PDSS2: variants seen among roughly 807,000 people sequenced by gnomAD.
The protein encoded by PDSS2 is all trans-polyprenyl-diphosphate synthase PDSS2.
Under a neutral mutation model 44.5 loss-of-function variants are expected in PDSS2, and 31 were observed. The observed-to-expected ratio is 0.70, with a 90% CI of 0.52 to 0.94. PDSS2 has a LOEUF of 0.94. Among genes scored for constraint, PDSS2 ranks in the 40% least tolerant of loss-of-function variants. The pLI is 0.00. For synonymous variants in PDSS2, 157 were observed against 180.3 expected (o/e 0.87, Z 1.03); for missense variants, 452 against 482.2 (o/e 0.94, Z 0.59).
At chr6:107,216,028 T>C (rs935282441) in intron 4 of PDSS2, among the ~76,000 whole-genome samples, 1 of 151,770 alleles carries the variant, frequency 6.6e-6, no homozygotes, top group Non-Finnish European at 1.5e-5. Flanking sequence ...TCCCAGCTAC[T>C]TGGGAGGCTG....
At chr6:107,444,977 A>G (rs970616348) in intron 1 of PDSS2, among the ~76,000 whole-genome samples, 1 of 152,180 alleles carries the variant, frequency 6.6e-6, no homozygotes, top group African/African-American at 2.4e-5. Context: ...CCTAAAAGCC[A>G]AATCTGTCAA....
intron 7 of PDSS2, among the ~76,000 whole-genome samples, chr6:107,167,927 G>A (rs1488573442): frequency 2.6e-5 from 4 of 152,162 alleles, no homozygotes; most frequent in African/African-American, 7.2e-5. Context: ...TTGGTGTGGT[G>A]TGGTGCTGAA....
At chr6:107,337,026 G>A (rs1777921846) in intron 1 of PDSS2, among the ~76,000 whole-genome samples, 1 of 114,148 alleles carries the variant, frequency 8.8e-6, no homozygotes, top group Admixed American at 1.0e-4. Context: ...TCAGAAATAG[G>A]ACCTTTCACA....
At chr6:107,262,749 G>T (rs1775282229) in intron 3 of PDSS2, among the ~76,000 whole-genome samples, 1 of 151,966 alleles carries the variant, frequency 6.6e-6, no homozygotes, top group Admixed American at 6.5e-5. Flanking sequence ...TTCAGCCTGG[G>T]TGACAGAATG....
At chr6:107,359,062 G>A (rs1226038044) in intron 1 of PDSS2, among the ~76,000 whole-genome samples, 2 of 140,374 alleles carry the variant, frequency 1.4e-5, no homozygotes, top group African/African-American at 5.4e-5. Context: ...CCAGGCTGGA[G>A]TGCAGTGGCG....
At chr6:107,173,467 G>A (rs765758639) in intron 7 of PDSS2, among the ~76,000 whole-genome samples, 10 of 150,704 alleles carry the variant, frequency 6.6e-5, no homozygotes, top group South Asian at 2.1e-4. Flanking sequence ...CCAGCTACTC[G>A]GGAGGCTGAG....
chr6:107,282,683 G>T (rs1248487314), intron 2 of PDSS2, among the ~76,000 whole-genome samples: 5 of 151,586 alleles, frequency 3.3e-5, no homozygotes, highest in African/African-American at 1.2e-4. Flanking sequence ...GGCTAACAGG[G>T]TGAAACCCCG....
At chr6:107,287,052 A>T (rs1416761004) in intron 2 of PDSS2, among the ~76,000 whole-genome samples, 1 of 59,328 alleles carries the variant, frequency 1.7e-5, no homozygotes, top group Non-Finnish European at 4.1e-5. Context: ...AAACAAAACA[A>T]AACAAAAAAA....
intron 1 of PDSS2, among the ~76,000 whole-genome samples, chr6:107,428,473 T>C (rs1235051553): frequency 6.6e-6 from 1 of 152,226 alleles, no homozygotes; most frequent in Non-Finnish European, 1.5e-5. Context: ...ATTCCTTCAA[T>C]TCTATAAGTA....
At chr6:107,264,158 T>G in intron 3 of PDSS2, 1 of 769,824 alleles carries the variant, frequency 1.3e-6, no homozygotes, top group Non-Finnish European at 1.7e-6. Context: ...GGAAGTAAAA[T>G]TACTATAACA....
At chr6:107,388,111 T>G (rs1562505779) in intron 1 of PDSS2, among the ~76,000 whole-genome samples, 1 of 152,074 alleles carries the variant, frequency 6.6e-6, no homozygotes, top group Non-Finnish European at 1.5e-5. Flanking sequence ...AATCCTAGAC[T>G]CAATTTCCTC....
intron 2 of PDSS2, among the ~76,000 whole-genome samples, chr6:107,278,318 T>C (rs2114964891): frequency 6.6e-6 from 1 of 152,248 alleles, no homozygotes; most frequent in African/African-American, 2.4e-5. Flanking sequence ...TCACTAAGAA[T>C]GGAGACTTAT....
intron 2 of PDSS2, among the ~76,000 whole-genome samples, chr6:107,312,853 C>A (rs992317917): frequency 2.0e-5 from 3 of 152,158 alleles, no homozygotes; most frequent in Non-Finnish European, 2.9e-5. Flanking sequence ...ATGTTTTTCA[C>A]CTGATCCTTA....
chr6:107,409,148 A>T (rs1228615754), intron 1 of PDSS2, among the ~76,000 whole-genome samples: 1 of 152,224 alleles, frequency 6.6e-6, no homozygotes, highest in African/African-American at 2.4e-5. Context: ...ACACTGGAAG[A>T]AAATATTAAG....
intron 2 of PDSS2, among the ~76,000 whole-genome samples, chr6:107,329,364 C>T (rs958577066): frequency 6.6e-6 from 1 of 152,152 alleles, no homozygotes; most frequent in African/African-American, 2.4e-5. Context: ...TCCAGGATAT[C>T]GCCCTAATTC....
intron 1 of PDSS2, among the ~76,000 whole-genome samples, chr6:107,425,824 G>C (rs889384313): frequency 1.3e-5 from 2 of 152,186 alleles, no homozygotes; most frequent in Admixed American, 1.3e-4. Flanking sequence ...AGCTGGGCGT[G>C]GTGGCAGGCA....
chr6:107,391,262 T>G (rs1185531387), intron 1 of PDSS2, among the ~76,000 whole-genome samples: 1 of 151,986 alleles, frequency 6.6e-6, no homozygotes, highest in Non-Finnish European at 1.5e-5. Flanking sequence ...TCATGAGAGA[T>G]AAGAAAGAAA....
At chr6:107,343,980 CTG>C (rs1437337012) in intron 1 of PDSS2, among the ~76,000 whole-genome samples, 2 of 152,088 alleles carry the variant, frequency 1.3e-5, no homozygotes, top group African/African-American at 2.4e-5. Flanking sequence ...GAAAAAAACA[CTG>C]TATTTTAAAA....
chr6:107,406,649 G>T (rs1473476376), intron 1 of PDSS2, among the ~76,000 whole-genome samples: 4 of 152,194 alleles, frequency 2.6e-5, no homozygotes, highest in Non-Finnish European at 5.9e-5. Flanking sequence ...TAGTGATACA[G>T]CTTAAAGTCA....
Sources: gnomAD v4.1 joint callset for allele counts (sites outside exome capture counted in the v4.1 genomes callset) on GRCh38, gnomAD v4.1.1 for gene constraint, MANE v1.5 for transcripts, NCBI Gene and HGNC (gene_info 2026-07-23, HGNC 2026-07-21) for gene names.